GPC5: variants seen among roughly 807,000 people sequenced by gnomAD.
GPC5 encodes the protein glypican 5, also known as glypican-5.
Under a neutral mutation model 53.9 loss-of-function variants are expected in GPC5, and 47 were observed. The ratio of observed to expected loss-of-function variants is 0.87; its 90% confidence interval spans 0.69 to 1.11. The LOEUF (loss-of-function observed/expected upper bound fraction) is 1.11. Among genes scored for constraint, GPC5 ranks in the 50% most tolerant of loss-of-function variants. GPC5 has a pLI of 0.00. For synonymous variants in GPC5, 286 were observed against 263.3 expected, an observed-to-expected ratio of 1.09 and a Z score of -0.84; for missense variants, 748 against 713.1, an observed-to-expected ratio of 1.05 and a Z score of -0.56.
chr13:91,416,278 C>A (rs996824075), intron 1 of GPC5, among the ~76,000 whole-genome samples: 1 of 152,080 alleles, frequency 6.6e-6, no homozygotes, highest in African/African-American at 2.4e-5. Context: ...ACTAGCAAAA[C>A]GCAAACTGTG....
At chr13:91,727,006 ACTT>A (rs1384854484) in intron 3 of GPC5, among the ~76,000 whole-genome samples, 4 of 152,142 alleles carry the variant, frequency 2.6e-5, no homozygotes, top group African/African-American at 9.7e-5. Flanking sequence ...CACACCATGT[ACTT>A]CTTGTTCCAA....
chr13:91,865,065 C>T (rs1399791251), intron 5 of GPC5, among the ~76,000 whole-genome samples: 1 of 151,996 alleles, frequency 6.6e-6, no homozygotes, highest in Non-Finnish European at 1.5e-5. Flanking sequence ...GCATGTGACA[C>T]CACACCCGGC....
intron 7 of GPC5, among the ~76,000 whole-genome samples, chr13:92,799,293 A>G (rs545220419): frequency 1.1e-3 from 166 of 151,976 alleles, no homozygotes; most frequent in Non-Finnish European, 1.9e-3. Context: ...AACTTCAAAC[A>G]GACACATATT....
rs1491581934 is a variant in GPC5, at chr13:92,033,035, TCG to T, written c.1402-111794_1402-111793del. On this transcript the variant is annotated intron_variant, in intron 6 of 7. Coordinates refer to ENST00000377067, the MANE Select transcript of GPC5 (RefSeq NM_004466.6). ...GTTCTTCTGCCCGGGCTAGTTATTGTCGTGTGTGTGTGTGTGTGTGTGTGTGT... is the reference window on the plus strand; with the variant it reads ...GTTCTTCTGCCCGGGCTAGTTATTGTTGTGTGTGTGTGTGTGTGTGTGTGT... Among the ~76,000 whole-genome samples, 635 of 77,900 alleles carry T rather than the reference TCG, an allele frequency of 8.2e-3. 6 individuals are homozygous for T. Among genetic ancestry groups the T allele is most frequent in the African/African-American group, 0.025 (533 of 21,632 alleles). The allele number at this position is 77,900 out of a possible 152,430, so 51.1% of individuals were successfully genotyped here.
intron 5 of GPC5, among the ~76,000 whole-genome samples, chr13:91,775,553 G>A (rs1475589572): frequency 6.6e-6 from 1 of 152,050 alleles, no homozygotes; most frequent in Non-Finnish European, 1.5e-5. Flanking sequence ...TCCAACACAT[G>A]GAAACACATC....
intron 7 of GPC5, among the ~76,000 whole-genome samples, chr13:92,191,324 A>G (rs575946339): frequency 6.6e-6 from 1 of 152,298 alleles, no homozygotes; most frequent in South Asian, 2.1e-4. Context: ...TTAAAAAATG[A>G]GATATCATTA....
At chr13:92,414,418 T>G (rs1594181449) in intron 7 of GPC5, among the ~76,000 whole-genome samples, 1 of 150,842 alleles carries the variant, frequency 6.6e-6, no homozygotes, top group Non-Finnish European at 1.5e-5. Flanking sequence ...GACAGGAGAA[T>G]CACTTGAACC....
chr13:91,459,062 AG>A (rs1420208514), intron 2 of GPC5, among the ~76,000 whole-genome samples: 7 of 151,530 alleles, frequency 4.6e-5, no homozygotes, highest in Admixed American at 4.6e-4. Context: ...CTCGTGAGGA[AG>A]GGTGGGAGGG....
At chr13:92,857,102 A>G (rs1444107142) in intron 7 of GPC5, among the ~76,000 whole-genome samples, 3 of 152,300 alleles carry the variant, frequency 2.0e-5, no homozygotes, top group South Asian at 4.1e-4. Context: ...CAAAAACAGC[A>G]TGGTACCGGT....
At chr13:92,732,511 AT>A (rs1888835544) in intron 7 of GPC5, among the ~76,000 whole-genome samples, 2 of 150,872 alleles carry the variant, frequency 1.3e-5, no homozygotes. Context: ...TTCTTCTTTG[AT>A]TTAGTGATTT....
intron 2 of GPC5, among the ~76,000 whole-genome samples, chr13:91,582,418 A>G (rs2032399383): frequency 1.3e-5 from 2 of 152,222 alleles, no homozygotes; most frequent in South Asian, 4.1e-4. Flanking sequence ...ACAAACAAAC[A>G]ACAGCAGCAA....
At chr13:92,634,589 G>A (rs75746345) in intron 7 of GPC5, among the ~76,000 whole-genome samples, 2,705 of 152,060 alleles carry the variant, frequency 0.018, 84 homozygotes, top group African/African-American at 0.061. Context: ...CTGCCTAACC[G>A]AAATTTTGTA....
At chr13:91,707,291 T>A (rs1051668288) in intron 3 of GPC5, among the ~76,000 whole-genome samples, 5 of 144,112 alleles carry the variant, frequency 3.5e-5, no homozygotes, top group African/African-American at 1.5e-4. Flanking sequence ...ACTGAGACAG[T>A]GAGATGCCGC....
At chr13:92,157,730 A>G (rs896339406) in intron 7 of GPC5, among the ~76,000 whole-genome samples, 3 of 152,168 alleles carry the variant, frequency 2.0e-5, no homozygotes, top group Non-Finnish European at 4.4e-5. Flanking sequence ...TTGTTTAATG[A>G]CCATTTTGTG....
intron 7 of GPC5, among the ~76,000 whole-genome samples, chr13:92,375,228 T>C (rs779400716): frequency 5.6e-4 from 85 of 152,338 alleles, no homozygotes; most frequent in Non-Finnish European, 1.1e-3. Context: ...GCTAAAGATA[T>C]TGTCTTCATT....
chr13:92,102,564 A>C (rs1157451369), intron 6 of GPC5, among the ~76,000 whole-genome samples: 1 of 152,202 alleles, frequency 6.6e-6, no homozygotes, highest in Non-Finnish European at 1.5e-5. Flanking sequence ...AGAGGAAGCA[A>C]CATTAGAGAA....
At chr13:92,819,414 C>T (rs1346478658) in intron 7 of GPC5, among the ~76,000 whole-genome samples, 1 of 152,168 alleles carries the variant, frequency 6.6e-6, no homozygotes, top group Admixed American at 6.5e-5. Context: ...TAAGTTTGGG[C>T]TAACTTCACC....
At chr13:91,612,082 G>C (rs2033568862) in intron 2 of GPC5, among the ~76,000 whole-genome samples, 1 of 152,122 alleles carries the variant, frequency 6.6e-6, no homozygotes, top group African/African-American at 2.4e-5. Flanking sequence ...ATCACTCTTA[G>C]TTGTATATTT....
intron 7 of GPC5, among the ~76,000 whole-genome samples, chr13:92,620,402 T>C (rs1436758874): frequency 6.6e-6 from 1 of 152,148 alleles, no homozygotes; most frequent in Non-Finnish European, 1.5e-5. Flanking sequence ...GCATCTTAGG[T>C]AACACACATC....
Sources: allele counts gnomAD v4.1 joint callset (sites outside exome capture counted in the v4.1 genomes callset), GRCh38; gene constraint gnomAD v4.1.1; transcripts MANE v1.5; gene names NCBI Gene and HGNC (gene_info 2026-07-23, HGNC 2026-07-21).